Variants in MYH13 observed in about 807,000 individuals in gnomAD.
The protein encoded by MYH13 is myosin-13.
Under a neutral mutation model 232.1 loss-of-function variants are expected in MYH13, and 177 were observed. The ratio of observed to expected loss-of-function variants is 0.76; its 90% confidence interval spans 0.67 to 0.86. The LOEUF (loss-of-function observed/expected upper bound fraction) is 0.86, where lower values mean the gene tolerates loss of function less well. MYH13 is among the 40% of genes least tolerant of loss of function. MYH13 has a pLI of 0.00. For missense variants in MYH13, 2,246 were observed against 2,405.9 expected, an observed-to-expected ratio of 0.93 and a Z score of 1.39; for synonymous variants, 884 against 923.5, an observed-to-expected ratio of 0.96 and a Z score of 0.78.
chr17:10,313,140 C>G lies in MYH13; in HGVS notation c.4181+18G>C, dbSNP rs962535051. The G allele has an allele frequency of 6.2e-7, 1 of 1,613,890 alleles. No individual in the cohort carries two copies. Among genetic ancestry groups the G allele is most frequent in the African/African-American group, 1.3e-5 (1 of 74,916 alleles). On this transcript the variant is annotated intron_variant, in intron 30 of 40. Coordinates refer to ENST00000252172, the MANE Select transcript of MYH13 (RefSeq NM_003802.3). Reference sequence around the variant, plus strand: ...TGTCCTCGGGCCCCCTCTGCTATTGCCACCCTGGAGCCCCTACTTGGCCTC... The same window carrying G: ...TGTCCTCGGGCCCCCTCTGCTATTGGCACCCTGGAGCCCCTACTTGGCCTC...
intron 13 of MYH13, 27 bp from the exon 14 acceptor site, chr17:10,345,643 C>T: frequency 1.2e-6 from 2 of 1,614,086 alleles, no homozygotes; most frequent in Non-Finnish European, 1.7e-6. Flanking sequence ...CCACTCAACC[C>T]TTGAGTTAGT....
chr17:10,339,230 A>T (rs2071602362), intron 18 of MYH13, among the ~76,000 whole-genome samples: 1 of 152,228 alleles, frequency 6.6e-6, no homozygotes, highest in African/African-American at 2.4e-5. Context: ...GCTCCGTGTG[A>T]CAGTTTGTTT....
Position 10,329,513 on chromosome 17 carries a change from C to T in MYH13, c.2435+874G>A, listed in dbSNP as rs534549082. Among the ~76,000 whole-genome samples, 27 of 152,328 alleles carry T rather than the reference C, an allele frequency of 1.8e-4. No homozygotes were observed. The East Asian group carries it at 5.2e-3, about 29-fold the overall frequency. On this transcript the variant is annotated intron_variant, in intron 21 of 40. Transcript: ENST00000252172. ...AGTGATGCAATCCTACCCCTTGTCTCTGCACACACCTTCTACAGCTCTCCA... is the reference window on the plus strand; with the variant it reads ...AGTGATGCAATCCTACCCCTTGTCTTTGCACACACCTTCTACAGCTCTCCA...
At chr17:10,360,328 C>T (rs1597389445) in intron 5 of MYH13, 140 bp from the exon 6 acceptor site, 2 of 1,027,500 alleles carry the variant, frequency 1.9e-6, no homozygotes, top group East Asian at 2.6e-5. Context: ...TTGGGCATGT[C>T]TAATCTTCTT....
In MYH13 at chr17:10,320,419, C is replaced by T; in HGVS notation, c.3189G>A (p.Leu1063=). 6.2e-7 allele frequency: 1 copy of T among 1,613,382 alleles called. No homozygotes were observed. The highest frequency in any genetic ancestry group is 8.5e-7 in the Non-Finnish European group (1 of 1,179,630). ...ERAKRKLEGD[L]KMSQESIMDL... Reference sequence around the variant, plus strand: ...CCATAATGGATTCCTGGGACATTTTCAGATCTCCTTCCAGCTTCCTCTTCG... The same window carrying T: ...CCATAATGGATTCCTGGGACATTTTTAGATCTCCTTCCAGCTTCCTCTTCG... Residue 1063 remains leucine (L), a synonymous_variant, in exon 25 of 41, where the codon CTG becomes CTA. Transcript: ENST00000252172.
intron 18 of MYH13, among the ~76,000 whole-genome samples, chr17:10,337,055 C>T (rs1341354748): frequency 4.6e-5 from 7 of 152,006 alleles, no homozygotes; most frequent in East Asian, 1.9e-4. Context: ...GCTGGGATTA[C>T]AGGCATGCAC....
chr17:10,327,748 T>C (rs1041707321), intron 22 of MYH13, 118 bp downstream of exon 22: 2 of 1,311,932 alleles, frequency 1.5e-6, no homozygotes, highest in Non-Finnish European at 2.1e-6. Context: ...ATACTCCACA[T>C]GACCACTGGG....
In MYH13 at chr17:10,315,890, C is replaced by G. The variant is rs1306735850; in HGVS notation, c.3865+9G>C. On this transcript the variant is annotated intron_variant, in intron 28 of 40. Coordinates refer to ENST00000252172, the MANE Select transcript of MYH13 (RefSeq NM_003802.3). ...GCCCGGCTGGACCCAGAGCCCTGCCCATTCTCACCATTTTGGGTCTGCAGT... is the reference window on the plus strand; with the variant it reads ...GCCCGGCTGGACCCAGAGCCCTGCCGATTCTCACCATTTTGGGTCTGCAGT... 6.2e-7 allele frequency: 1 copy of G among 1,613,988 alleles called. No individual in the cohort carries two copies. The highest frequency in any genetic ancestry group is 8.5e-7 in the Non-Finnish European group (1 of 1,179,904).
At chr17:10,362,308 C>T (rs2142275124) in intron 4 of MYH13, 34 bp from the exon 5 acceptor site, 4 of 1,613,858 alleles carry the variant, frequency 2.5e-6, no homozygotes, top group East Asian at 2.2e-5. Context: ...ATTTGGATCT[C>T]GTTTTTACTC....
chr17:10,370,331 T>C (rs1427846958), intron 2 of MYH13, among the ~76,000 whole-genome samples: 1 of 152,226 alleles, frequency 6.6e-6, no homozygotes, highest in Non-Finnish European at 1.5e-5. Context: ...AGACCATTCA[T>C]TTTTGACTGA....
At chr17:10,368,317 G>A (rs12936552) in intron 2 of MYH13, among the ~76,000 whole-genome samples, 24,757 of 152,168 alleles carry the variant, frequency 0.16, 2,471 homozygotes, top group Non-Finnish European at 0.23. Context: ...TCCTCGAGAC[G>A]ACAACCACAT....
chr17:10,353,580 T>C (rs1455660779), intron 11 of MYH13, among the ~76,000 whole-genome samples: 2 of 152,116 alleles, frequency 1.3e-5, no homozygotes, highest in Admixed American at 6.5e-5. Flanking sequence ...TACTCTGTCA[T>C]TGGGCCTGGT....
At chr17:10,320,105 G>A (rs11658229) in intron 26 of MYH13, 48 bp downstream of exon 26, 183,273 of 1,412,316 alleles carry the variant, frequency 0.13, 15,641 homozygotes, top group East Asian at 0.38. Flanking sequence ...GAGGAGGGGC[G>A]CTCTTGCAAA....
intron 5 of MYH13, 63 bp from the exon 6 acceptor site, chr17:10,360,251 T>C (rs2071781770): frequency 6.4e-7 from 1 of 1,560,824 alleles, no homozygotes; most frequent in East Asian, 2.3e-5. Context: ...TAAAATAAAG[T>C]AACATTGGGG....
At chr17:10,336,962 G>A (rs2071580553) in intron 18 of MYH13, among the ~76,000 whole-genome samples, 1 of 151,354 alleles carries the variant, frequency 6.6e-6, no homozygotes, top group African/African-American at 2.4e-5. Context: ...CTGTCACTGA[G>A]GCTGGAGTGC....
rs548253207 is a variant in MYH13, at chr17:10,330,425, G to T, written c.2397C>A (p.Tyr799Ter). The T allele has an allele frequency of 1.2e-4, 193 of 1,613,502 alleles. 3 individuals are homozygous for T. In the South Asian group the frequency reaches 2.0e-3, roughly 17 times the overall value. Residue 799 changes from tyrosine (Y) to a stop codon, truncating the protein, a stop_gained, in exon 21 of 41, where the codon TAC becomes TAA. Transcript: ENST00000252172. LOFTEE classifies it high-confidence loss of function. ...MTSTQAVCRGYLMRVEFKKMM... is the reference protein window; with the variant it reads ...MTSTQAVCRG ...TCTTCTTGAACTCCACCCGCATCAG[G>T]TACCCCCTGCACACCGCCTGCGTGC...
intron 2 of MYH13, among the ~76,000 whole-genome samples, chr17:10,370,198 C>T (rs982651235): frequency 3.3e-5 from 5 of 152,260 alleles, no homozygotes; most frequent in African/African-American, 7.2e-5. Flanking sequence ...TTGGCAGCCA[C>T]GTCTCACACT....
intron 29 of MYH13, among the ~76,000 whole-genome samples, chr17:10,315,319 G>T (rs1263201780): frequency 6.6e-6 from 1 of 152,174 alleles, no homozygotes; most frequent in African/African-American, 2.4e-5. Context: ...CTTTAATGGA[G>T]TCTCGCTCTG....
At chr17:10,351,219 T>TAAAAAAAAAA (rs2071708135) in intron 11 of MYH13, among the ~76,000 whole-genome samples, 3 of 20,190 alleles carry the variant, frequency 1.5e-4, no homozygotes, top group African/African-American at 2.1e-4. Context: ...AGACTCCATC[T>TAAAAAAAAAA]CAAAAAAAAA....
Sources: allele counts gnomAD v4.1 joint callset (sites outside exome capture counted in the v4.1 genomes callset), GRCh38; gene constraint gnomAD v4.1.1; transcripts MANE v1.5; gene names NCBI Gene and HGNC (gene_info 2026-07-23, HGNC 2026-07-21).